The following IDI1 variants were observed in gnomAD, a reference collection of about 807,000 sequenced individuals.
The protein encoded by IDI1 is isopentenyl-diphosphate Delta-isomerase 1.
IDI1 carries 23 observed loss-of-function variants against 32.9 expected under a neutral mutation model. The observed-to-expected ratio is 0.70, with a 90% CI of 0.50 to 0.99. The LOEUF (loss-of-function observed/expected upper bound fraction) is 0.99, where lower values mean the gene tolerates loss of function less well. IDI1 is among the 50% of genes least tolerant of loss of function. The pLI is 0.00. For synonymous variants in IDI1, 133 were observed against 128.2 expected, an observed-to-expected ratio of 1.04 and a Z score of -0.25; for missense variants, 326 against 351.9, an observed-to-expected ratio of 0.93 and a Z score of 0.59.
rs1400859844 is a variant in IDI1, at chr10:1,042,850, T to C, written c.407-88A>G. 12 of 1,167,558 alleles carry C rather than the reference T, an allele frequency of 1.0e-5. No individual in the cohort carries two copies. The East Asian group carries it at 2.6e-4, about 26-fold the overall frequency. The allele number at this position is 1,167,558 out of a possible 1,614,324, so 72.3% of individuals were successfully genotyped here. On this transcript the variant is annotated intron_variant, in intron 3 of 4. Coordinates refer to ENST00000381344, the MANE Select transcript of IDI1 (RefSeq NM_004508.4). ...AAAAGTTTTATAAGTAACTGAAAAA[T>C]GAAATGATTTTTAAGGATTTTAAAA... is the stretch of plus-strand genomic sequence containing the variant.
chr10:1,054,911 A>G, the IDI1 span, among the ~76,000 whole-genome samples: 3 of 152,240 alleles, frequency 2.0e-5, no homozygotes, highest in Non-Finnish European at 4.4e-5. Context: ...AGACACGGAC[A>G]TGGAAAACGT....
the IDI1 span, among the ~76,000 whole-genome samples, chr10:1,054,858 A>G: frequency 2.0e-5 from 3 of 152,272 alleles, no homozygotes; most frequent in Admixed American, 1.3e-4. Context: ...CTGTACTCCA[A>G]TATGACTGAT....
chr10:1,042,274 T>TC (rs1286449130), intron 4 of IDI1, among the ~76,000 whole-genome samples: 5 of 152,260 alleles, frequency 3.3e-5, no homozygotes, highest in Non-Finnish European at 5.9e-5. Context: ...CATCAGAAAA[T>TC]CTTCACCTTT....
chr10:1,052,791 A>G (rs1371604805), upstream of IDI1, among the ~76,000 whole-genome samples: 5 of 152,214 alleles, frequency 3.3e-5, no homozygotes, highest in African/African-American at 1.2e-4. Flanking sequence ...ACATAAAGTC[A>G]TCAGCTGCAC....
chr10:1,049,058 G>A lies in IDI1; in HGVS notation c.-55C>T, dbSNP rs1832903138. 5 of 1,444,478 alleles carry A rather than the reference G, an allele frequency of 3.5e-6. No homozygotes were observed. The highest frequency in any genetic ancestry group is 2.9e-5 in the South Asian group (2 of 70,130). 89.5% of individuals were successfully genotyped at this position (1,444,478 alleles called of 1,614,324 possible). A position where few individuals can be genotyped will look rare whatever the true frequency, so the allele number is the denominator to read the frequency against. On this transcript the variant is annotated 5_prime_UTR_variant, in exon 1 of 5. Transcript: ENST00000381344. ...TGACGACACAATCTCGCCAAGCTTC[G>A]CCTGGTGGTGCCACCTCCCTGGCCT...
chr10:1,049,888 A>G (rs1589058804), upstream of IDI1, among the ~76,000 whole-genome samples: 1 of 152,182 alleles, frequency 6.6e-6, no homozygotes. Flanking sequence ...CCTGACCTCA[A>G]GTGATCCACC....
intron 1 of IDI1, chr10:1,048,299 A>G (rs779842494): frequency 1.6e-4 from 204 of 1,304,334 alleles, no homozygotes; most frequent in Non-Finnish European, 2.0e-4. Flanking sequence ...ATCCAACCCA[A>G]GAAAAAGGTC....
rs144091076 is a variant in IDI1 at position 1,048,894 on chromosome 10, G to C, written c.110C>G (p.Pro37Arg). Residue 37 changes from proline to arginine, a missense_variant, in exon 1 of 5, where the codon CCG becomes CGG. By Grantham distance (103) the Pro-to-Arg change is moderately radical. Coordinates refer to ENST00000381344, the MANE Select transcript of IDI1 (RefSeq NM_004508.4). ...DCAQSGRHPG[P>R]AVVCGRRLIS... The stretch of plus-strand genomic sequence containing the variant: ...CAGCCTCCGGCCACAGACAACCGCC[G>C]GTCCCGGATGGCGCCCGCTTTGAGC... The C allele has an allele frequency of 6.2e-7, 1 of 1,606,710 alleles. No homozygotes were observed. The highest frequency in any genetic ancestry group is 8.5e-7 in the Non-Finnish European group (1 of 1,177,836).
At chr10:1,048,674 C>T (rs1832878802) in intron 1 of IDI1, 190 bp downstream of exon 1, 9 of 1,411,104 alleles carry the variant, frequency 6.4e-6, no homozygotes, top group East Asian at 5.5e-5. Context: ...GCGCGGGCGC[C>T]CACCACAGCC....
intron 1 of IDI1, among the ~76,000 whole-genome samples, chr10:1,045,663 TGCCATGCTG>T (rs758796064): frequency 7.0e-4 from 106 of 152,304 alleles, no homozygotes; most frequent in Admixed American, 1.9e-3. Context: ...GACGAAGTCT[TGCCATGCTG>T]GCCATGCTGA....
upstream of IDI1, among the ~76,000 whole-genome samples, chr10:1,051,090 G>A (rs993918191): frequency 2.0e-5 from 3 of 152,108 alleles, no homozygotes; most frequent in Non-Finnish European, 2.9e-5. Context: ...ACTGTACCTC[G>A]AATGCCTATT....
intron 3 of IDI1, 78 bp downstream of exon 3, chr10:1,043,223 C>CTTGACTCCAAGAA (rs1186827024): frequency 2.2e-6 from 2 of 892,578 alleles, no homozygotes; most frequent in Non-Finnish European, 3.7e-6. Context: ...CCTTTGTGAC[C>CTTGACTCCAAGAA]TTGGCTCCAA....
intron 4 of IDI1, 58 bp downstream of exon 4, chr10:1,042,574 A>C: frequency 6.3e-7 from 1 of 1,582,192 alleles, no homozygotes; most frequent in Non-Finnish European, 8.7e-7. Context: ...TTTATTAAAA[A>C]CCTTTTTATA....
Position 1,041,404 on chromosome 10 carries a change from C to T in IDI1, c.638G>A (p.Arg213Lys). The change falls in exon 5 of 5, where the codon AGG (arginine) becomes AAG (lysine). Residue 213 changes from arginine to lysine, a missense_variant. By Grantham distance (26) the Arg-to-Lys change is conservative. This residue lies in a region of IDI1 where 205 missense variants were observed against 273.5 expected (regional missense o/e 0.75). Transcript: ENST00000381344. ...ATCTGGATTCAAAGTTACATTCTTC[C>T]TCACCAACAAAATGTAATCAATTTC... is the stretch of plus-strand genomic sequence containing the variant. ...EHEIDYILLV[R>K]KNVTLNPDPN... The T allele has an allele frequency of 1.2e-6, 2 of 1,611,102 alleles. No homozygotes were observed. The highest frequency in any genetic ancestry group is 1.7e-6 in the Non-Finnish European group (2 of 1,177,466).
chr10:1,055,933 C>T, the IDI1 span, among the ~76,000 whole-genome samples: 42 of 152,216 alleles, frequency 2.8e-4, no homozygotes, highest in Admixed American at 4.6e-4. Context: ...CTCAGCCTTC[C>T]GAGTAGCAGG....
Position 1,041,192 on chromosome 10 carries a change from T to G in IDI1, c.850A>C (p.Met284Leu), listed in dbSNP as rs1439175262. ...GTAATCATTTACCTACATATTCACA[T>G]TCTGTATATTTTCTCATGGTCAACA... ...QFVDHEKIYR[M>L] Residue 284 changes from methionine to leucine, a missense_variant, in exon 5 of 5, where the codon ATG (methionine) becomes CTG (leucine). Physicochemically the swap from Met to Leu is conservative, Grantham distance 15. Coordinates refer to ENST00000381344, the MANE Select transcript of IDI1 (RefSeq NM_004508.4). The G allele has an allele frequency of 1.7e-5, 26 of 1,573,888 alleles. No individual in the cohort carries two copies. The highest frequency in any genetic ancestry group is 2.1e-5 in the Non-Finnish European group (24 of 1,148,152).
In IDI1 at chr10:1,049,060, C is replaced by T. The variant is rs1266670291; in HGVS notation, c.-57G>A. On this transcript the variant is annotated 5_prime_UTR_variant, in exon 1 of 5. Coordinates refer to ENST00000381344, the MANE Select transcript of IDI1 (RefSeq NM_004508.4). ...ACGACACAATCTCGCCAAGCTTCGC[C>T]TGGTGGTGCCACCTCCCTGGCCTGT... 2 of 1,444,568 alleles carry T rather than the reference C, an allele frequency of 1.4e-6. No individual in the cohort carries two copies. The allele number at this position is 1,444,568 out of a possible 1,614,324, so 89.5% of individuals were successfully genotyped here.
chr10:1,040,939 T>G lies in IDI1; in HGVS notation c.*248A>C. Reference sequence around the variant, plus strand: ...ATTAAGTTTTATTTGCTCGCTCTCATTTTACAATAATCTCTCACAAATGTC... The same window carrying G: ...ATTAAGTTTTATTTGCTCGCTCTCAGTTTACAATAATCTCTCACAAATGTC... On this transcript the variant is annotated 3_prime_UTR_variant, in exon 5 of 5. Transcript: ENST00000381344. 2.7e-6 allele frequency: 1 copy of G among 367,204 alleles called. No homozygotes were observed. 22.7% of individuals were successfully genotyped at this position (367,204 alleles called of 1,614,324 possible). A position where few individuals can be genotyped will look rare whatever the true frequency, so the allele number is the denominator to read the frequency against.
chr10:1,053,464 T>C (rs1833064827), upstream of IDI1, among the ~76,000 whole-genome samples: 4 of 152,356 alleles, frequency 2.6e-5, no homozygotes, highest in South Asian at 2.1e-4. Flanking sequence ...TATCAGAATA[T>C]TGTGGCTGGT....
Sources: allele counts gnomAD v4.1 joint callset (sites outside exome capture counted in the v4.1 genomes callset), GRCh38; gene constraint gnomAD v4.1.1; regional missense constraint gnomAD v4.1.1; transcripts MANE v1.5; gene names NCBI Gene and HGNC (gene_info 2026-07-23, HGNC 2026-07-21).